The following SLC3A1 variants were observed in gnomAD, a reference collection of about 807,000 sequenced individuals.
SLC3A1 encodes solute carrier family 3 member 1.
A neutral mutation model predicts 60.3 loss-of-function variants in SLC3A1; 78 were observed. That is an observed-to-expected ratio of 1.29 (90% CI 1.08 to 1.56). The LOEUF is 1.56. SLC3A1 is among the 40% of genes most tolerant of loss of function. The probability of loss-of-function intolerance (pLI) is 0.00; values close to 1 mark genes in which losing one functional copy is unlikely to be tolerated. For synonymous variants in SLC3A1, 392 were observed against 307.9 expected (o/e 1.27, Z -2.86); for missense variants, 1,172 against 858.9 (o/e 1.36, Z -4.56).
At chr2:44,308,696 T>C (rs1258000878) in intron 7 of SLC3A1, among the ~76,000 whole-genome samples, 1 of 152,144 alleles carries the variant, frequency 6.6e-6, no homozygotes, top group African/African-American at 2.4e-5. Context: ...TGAACTTGTT[T>C]TTCGTTTCTA....
intron 7 of SLC3A1, among the ~76,000 whole-genome samples, chr2:44,307,726 C>T (rs1353407084): frequency 6.6e-6 from 1 of 152,026 alleles, no homozygotes; most frequent in South Asian, 2.1e-4. Flanking sequence ...GTAAGAATTC[C>T]TGATATATAC....
chr2:44,287,078 C>T (rs140082832), intron 4 of SLC3A1, among the ~76,000 whole-genome samples: 5 of 152,244 alleles, frequency 3.3e-5, no homozygotes, highest in African/African-American at 1.2e-4. Context: ...ATATTGCCTA[C>T]TCCGTGCCAG....
chr2:44,281,185 G>T (rs1407444577), intron 2 of SLC3A1, among the ~76,000 whole-genome samples: 1 of 137,164 alleles, frequency 7.3e-6, no homozygotes, highest in East Asian at 2.1e-4. Flanking sequence ...TCCAGGCAGG[G>T]TCTTGCTCTG....
At chr2:44,319,016 T>A (rs1672690139) in intron 9 of SLC3A1, 1 of 152,222 alleles carries the variant, frequency 6.6e-6, no homozygotes, top group Non-Finnish European at 1.5e-5. Flanking sequence ...CGGGCACTTC[T>A]TATGTGAGTG....
At chr2:44,286,755 G>A (rs959930016) in intron 4 of SLC3A1, among the ~76,000 whole-genome samples, 11 of 147,666 alleles carry the variant, frequency 7.4e-5, no homozygotes, top group East Asian at 2.0e-4. Context: ...TGAGCTGTGC[G>A]GTGTCTGTGA....
chr2:44,288,131 G>A (rs962729406), intron 4 of SLC3A1, among the ~76,000 whole-genome samples: 1 of 151,624 alleles, frequency 6.6e-6, no homozygotes, highest in Non-Finnish European at 1.5e-5. Context: ...AGGTTCAAGC[G>A]ATTCTCCTGC....
chr2:44,288,855 G>C (rs985923753), intron 4 of SLC3A1, among the ~76,000 whole-genome samples: 6 of 151,718 alleles, frequency 4.0e-5, no homozygotes, highest in African/African-American at 1.5e-4. Flanking sequence ...TTTTTTTTGA[G>C]ATAGAGTTTC....
chr2:44,288,451 C>T (rs974813400), intron 4 of SLC3A1, among the ~76,000 whole-genome samples: 1 of 151,372 alleles, frequency 6.6e-6, no homozygotes, highest in Non-Finnish European at 1.5e-5. Flanking sequence ...TATCTTTTTA[C>T]CCACCTAAGC....
intron 4 of SLC3A1, among the ~76,000 whole-genome samples, chr2:44,291,615 C>T (rs1455961581): frequency 6.6e-6 from 1 of 152,174 alleles, no homozygotes; most frequent in Non-Finnish European, 1.5e-5. Flanking sequence ...GGACCTTTGG[C>T]ATGAAGGAGA....
intron 7 of SLC3A1, among the ~76,000 whole-genome samples, chr2:44,308,676 A>G (rs1470542494): frequency 1.3e-5 from 2 of 152,150 alleles, no homozygotes; most frequent in Non-Finnish European, 2.9e-5. Context: ...CTTGTATCCT[A>G]AAACATTGCT....
At chr2:44,319,867 C>G in intron 9 of SLC3A1, 1 of 275,120 alleles carries the variant, frequency 3.6e-6, no homozygotes, top group Non-Finnish European at 7.0e-6. Flanking sequence ...CACAGAATGA[C>G]TATGCAAGTT....
chr2:44,320,809 A>G lies in SLC3A1; in HGVS notation c.*170A>G. On this transcript the variant is annotated 3_prime_UTR_variant, in exon 10 of 10. Transcript: ENST00000260649. ...TTCTCAAATGTTTTGAAAAAAATAA[A>G]ATGTTTAAAAGTAAATTATGGCTTA... The G allele has an allele frequency of 1.5e-6, 1 of 653,446 alleles. No individual in the cohort carries two copies. The highest frequency in any genetic ancestry group is 2.6e-5 in the Admixed American group (1 of 38,418). The allele number at this position is 653,446 out of a possible 1,614,324, so 40.5% of individuals were successfully genotyped here.
chr2:44,312,100 A>C (rs1030464960), intron 7 of SLC3A1, among the ~76,000 whole-genome samples: 6 of 152,168 alleles, frequency 3.9e-5, no homozygotes, highest in African/African-American at 1.4e-4. Flanking sequence ...ACAAATAGAA[A>C]ACACTTTATA....
At chr2:44,297,528 C>G (rs1432443390) in intron 4 of SLC3A1, among the ~76,000 whole-genome samples, 1 of 152,198 alleles carries the variant, frequency 6.6e-6, no homozygotes. Context: ...TGTCTTGAAG[C>G]TCTTGCAGCC....
At chr2:44,305,973 C>G (rs1672145056) in intron 7 of SLC3A1, among the ~76,000 whole-genome samples, 1 of 152,196 alleles carries the variant, frequency 6.6e-6, no homozygotes, top group Admixed American at 6.5e-5. Flanking sequence ...ACGATGTCTG[C>G]TTTCCCCACT....
intron 1 of SLC3A1, among the ~76,000 whole-genome samples, chr2:44,279,028 TCACTCTGTCA>T (rs1419234636): frequency 6.6e-6 from 1 of 151,754 alleles, no homozygotes; most frequent in East Asian, 1.9e-4. Context: ...AGATGGAGTC[TCACTCTGTCA>T]CCTAGGCTGG....
rs891643836 is a variant in SLC3A1, at chr2:44,276,050, G to A, written c.430+85G>A. ...TGTTCTTCAGAACCAAATTATGCCT[G>A]GGTTGTTCAGTAAGCACATTCCATT... On this transcript the variant is annotated intron_variant, in intron 1 of 9. Transcript: ENST00000260649. 2.5e-6 allele frequency: 3 copies of A among 1,224,052 alleles called. No homozygotes were observed. The African/African-American group carries it at 4.4e-5, about 18-fold the overall frequency. 75.8% of individuals were successfully genotyped at this position (1,224,052 alleles called of 1,614,324 possible). A position where few individuals can be genotyped will look rare whatever the true frequency, so the allele number is the denominator to read the frequency against.
chr2:44,320,503 A>G lies in SLC3A1; in HGVS notation c.1922A>G (p.Asp641Gly). 6.2e-7 allele frequency: 1 copy of G among 1,614,164 alleles called. No individual in the cohort carries two copies. The highest frequency in any genetic ancestry group is 8.5e-7 in the Non-Finnish European group (1 of 1,179,988). Residue 641 changes from aspartate to glycine, a missense_variant, in exon 10 of 10, where the codon GAC (aspartate) becomes GGC (glycine). Coordinates refer to ENST00000260649, the MANE Select transcript of SLC3A1 (RefSeq NM_000341.4). ...SKVDTSGIFL[D>G]KGEGLIFEHN... ...GTTGATACAAGTGGCATTTTTCTGG[A>G]CAAGGGAGAGGGACTCATCTTTGAA...
chr2:44,297,015 A>G (rs1177848222), intron 4 of SLC3A1, among the ~76,000 whole-genome samples: 1 of 152,200 alleles, frequency 6.6e-6, no homozygotes, highest in East Asian at 1.9e-4. Context: ...AAACAGCTTT[A>G]CAAATTACCC....
Sources: allele counts gnomAD v4.1 joint callset (sites outside exome capture counted in the v4.1 genomes callset), GRCh38; gene constraint gnomAD v4.1.1; transcripts MANE v1.5; gene names NCBI Gene and HGNC (gene_info 2026-07-23, HGNC 2026-07-21).